The following PCSK7 variants were observed in gnomAD, a reference collection of about 807,000 sequenced individuals.
PCSK7 encodes the protein lymphoma proprotein convertase.
A neutral mutation model predicts 73.3 loss-of-function variants in PCSK7; 38 were observed. That is an observed-to-expected ratio of 0.52 (90% CI 0.40 to 0.68). The LOEUF (loss-of-function observed/expected upper bound fraction) is 0.68. Among genes scored for constraint, PCSK7 ranks in the 30% least tolerant of loss-of-function variants. PCSK7 has a pLI of 0.00. For missense variants in PCSK7, 692 were observed against 991.5 expected, an observed-to-expected ratio of 0.70 and a Z score of 4.06; for synonymous variants, 296 against 383.8, an observed-to-expected ratio of 0.77 and a Z score of 2.68.
chr11:117,225,622 G>A (rs1435517966), intron 6 of PCSK7: 4 of 390,100 alleles, frequency 1.0e-5, no homozygotes, highest in Non-Finnish European at 9.5e-6. Context: ...TTGGTGTTGG[G>A]CATTCAGCTG....
intron 12 of PCSK7, chr11:117,214,688 A>G (rs1196208524): frequency 6.6e-6 from 1 of 152,242 alleles, no homozygotes; most frequent in Admixed American, 6.5e-5. Flanking sequence ...GTGTGTGACA[A>G]AGGGGAGAAA....
intron 1 of PCSK7, among the ~76,000 whole-genome samples, chr11:117,230,844 C>T (rs188480481): frequency 8.6e-5 from 13 of 151,964 alleles, no homozygotes; most frequent in Admixed American, 6.6e-4. Context: ...GCGGCGGGGG[C>T]GAAACGGGGA....
At position 117,229,794 on chromosome 11, in the gene PCSK7, C is replaced by T. The variant is rs768759169; in HGVS notation, c.51G>A (p.Leu17=). The T allele has an allele frequency of 2.5e-6, 4 of 1,608,048 alleles. No homozygotes were observed. In the African/African-American group the frequency reaches 4.0e-5, roughly 16 times the overall value. Residue 17 remains leucine, a synonymous_variant, in exon 3 of 17, where the codon CTG becomes CTA. Transcript: ENST00000320934. The part of the protein sequence containing the change: ...KVPHLDAPLG[L]PTCLWLELAG... ...CTAATTCCAGCCAGAGGCAGGTGGG[C>T]AGGCCCAGGGGGGCATCCAAGTGTG...
intron 4 of PCSK7, 80 bp downstream of exon 4, chr11:117,228,136 G>A: frequency 7.0e-7 from 1 of 1,430,516 alleles, no homozygotes; most frequent in Non-Finnish European, 9.7e-7. Flanking sequence ...AAGACCTCTA[G>A]AAAAGGGGAC....
Position 117,229,443 on chromosome 11 carries a change from C to T in PCSK7, c.402G>A (p.Arg134=), listed in dbSNP as rs552666882. The T allele has an allele frequency of 2.5e-5, 40 of 1,610,764 alleles. No individual in the cohort carries two copies. In the East Asian group the frequency reaches 6.7e-4, roughly 27 times the overall value. The change falls in exon 3 of 17, where the codon AGG becomes AGA. Residue 134 remains arginine (R), a synonymous_variant. Transcript: ENST00000320934. ...HEAVRWHSEQ[R]LLRRAKRSVH... ...CGCTGCGCTTGGCCCGCCTTAGCAG[C>T]CTCTGCTCTGAGTGCCAGCGCACAG...
At chr11:117,227,976 A>G (rs2032496484) in intron 4 of PCSK7, among the ~76,000 whole-genome samples, 1 of 152,184 alleles carries the variant, frequency 6.6e-6, no homozygotes, top group African/African-American at 2.4e-5. Flanking sequence ...AGTTGCCTGC[A>G]GGGGCCACTC....
chr11:117,230,672 C>T (rs73580320), intron 1 of PCSK7, among the ~76,000 whole-genome samples: 1,674 of 152,266 alleles, frequency 0.011, 28 homozygotes, highest in African/African-American at 0.037. Context: ...CCTGTGCTAT[C>T]GTGCCACCCT....
Position 117,223,090 on chromosome 11 carries a change from G to A in PCSK7, c.1155+118C>T, listed in dbSNP as rs187850276. 6.5e-3 allele frequency: 4,698 copies of A among 723,930 alleles called. 225 individuals carry two copies. The Admixed American group carries it at 0.083, about 13-fold the overall frequency. 44.8% of individuals were successfully genotyped at this position (723,930 alleles called of 1,614,324 possible). ...CCTTAAGACATCCAGCTCTGTGGGG[G>A]AAGAGGAGCCTGAGTGTTGGGGCGG... On this transcript the variant is annotated intron_variant, in intron 9 of 16. Transcript: ENST00000320934.
In PCSK7 at chr11:117,207,815, T is replaced by TTTCA. The variant is rs202079323; in HGVS notation, c.1786+151_1786+154dup. ...GAACAGTTGCAGAGAGCAATGCCCA[T>TTTCA]TTCACGGATGGGCACACTCTTGGCA... is the stretch of plus-strand genomic sequence containing the variant. On this transcript the variant is annotated intron_variant, in intron 14 of 16. Transcript: ENST00000320934. The TTTCA allele has an allele frequency of 2.0e-3, 1,276 of 645,844 alleles. No individual in the cohort carries two copies. In the African/African-American group the frequency reaches 0.021, roughly 10 times the overall value. 40.0% of individuals were successfully genotyped at this position (645,844 alleles called of 1,614,324 possible).
intron 10 of PCSK7, 31 bp downstream of exon 10, chr11:117,219,560 C>G: frequency 6.2e-7 from 1 of 1,606,266 alleles, no homozygotes; most frequent in South Asian, 1.1e-5. Flanking sequence ...CAGGCTGGGC[C>G]AGGCCACTTG....
chr11:117,227,117 A>G, intron 5 of PCSK7, 40 bp downstream of exon 5: 1 of 1,532,268 alleles, frequency 6.5e-7, no homozygotes, highest in Non-Finnish European at 8.8e-7. Context: ...CTGTGGTCAC[A>G]GGAGCAGCCT....
chr11:117,227,393 AGAAAG>A (rs2032472059), intron 4 of PCSK7, 71 bp from the exon 5 acceptor site: 1 of 1,185,830 alleles, frequency 8.4e-7, no homozygotes, highest in Non-Finnish European at 1.3e-6. Flanking sequence ...GTTCAGGGAC[AGAAAG>A]GAAATGGGAG....
In PCSK7 at chr11:117,208,970, C is replaced by G. The variant is rs775479361; in HGVS notation, c.1618G>C (p.Gly540Arg). 1 of 1,611,768 alleles carries G rather than the reference C, an allele frequency of 6.2e-7. No homozygotes were observed. The highest frequency in any genetic ancestry group is 1.3e-5 in the African/African-American group (1 of 74,868). Residue 540 changes from glycine (G) to arginine (R), a missense_variant, in exon 13 of 17, where the codon GGC becomes CGC. This residue lies in a region of PCSK7 where 8 missense variants were observed against 48.2 expected (regional missense o/e 0.17). Coordinates refer to ENST00000320934, the MANE Select transcript of PCSK7 (RefSeq NM_004716.4). ...CAGAACAGCTTCAGCTCCAAGCTGC[C>G]GCGCCGTGGGTGAGTGATGGAGACT... is the stretch of plus-strand genomic sequence containing the variant. Reference protein sequence around the residue: ...VTVSITHPRRGSLELKLFCPS... With the variant: ...VTVSITHPRRRSLELKLFCPS...
chr11:117,222,999 T>C (rs111779655), intron 9 of PCSK7: 1 of 559,752 alleles, frequency 1.8e-6, no homozygotes, highest in African/African-American at 1.9e-5. Context: ...AATCCAAATT[T>C]CTAAGATAAA....
intron 9 of PCSK7, chr11:117,220,242 G>A (rs2032138289): frequency 6.6e-6 from 1 of 152,238 alleles, no homozygotes; most frequent in African/African-American, 2.4e-5. Flanking sequence ...TGCAGATAAG[G>A]GTTTCCCAAC....
In PCSK7 at chr11:117,204,872, C is replaced by T. The variant is rs941157803; in HGVS notation, c.*1125G>A. ...CTGCGCAGGGGACAGGCAGGCATCT[C>T]GGGCTTGTATGTGTTCCTGGCTGCC... On this transcript the variant is annotated 3_prime_UTR_variant, in exon 17 of 17. Transcript: ENST00000320934. 9 of 228,320 alleles carry T rather than the reference C, an allele frequency of 3.9e-5. No individual in the cohort carries two copies. Among genetic ancestry groups the T allele is most frequent in the African/African-American group, 1.4e-4 (6 of 44,284 alleles). The allele number at this position is 228,320 out of a possible 1,614,324, so 14.1% of individuals were successfully genotyped here. A position where few individuals can be genotyped will look rare whatever the true frequency, so the allele number is the denominator to read the frequency against.
chr11:117,227,115 A>G (rs1003141833), intron 5 of PCSK7, 42 bp downstream of exon 5: 1 of 1,524,398 alleles, frequency 6.6e-7, no homozygotes, highest in Non-Finnish European at 8.9e-7. Context: ...GACTGTGGTC[A>G]CAGGAGCAGC....
chr11:117,226,883 T>C (rs951540579), intron 5 of PCSK7: 4 of 362,562 alleles, frequency 1.1e-5, no homozygotes, highest in African/African-American at 4.3e-5. Context: ...GCTGCCACCA[T>C]AGACGTATCG....
intron 12 of PCSK7, chr11:117,215,402 A>ATATATATT (rs2031937423): frequency 1.4e-5 from 1 of 69,866 alleles, no homozygotes; most frequent in Non-Finnish European, 2.2e-5. Context: ...ATATATATAT[A>ATATATATT]TATACTTTTT....
Sources: allele counts gnomAD v4.1 joint callset (sites outside exome capture counted in the v4.1 genomes callset), GRCh38; gene constraint gnomAD v4.1.1; regional missense constraint gnomAD v4.1.1; transcripts MANE v1.5; gene names NCBI Gene and HGNC (gene_info 2026-07-23, HGNC 2026-07-21).